Variants in ELOB observed in about 807,000 individuals in gnomAD.
ELOB encodes the protein elongin B, also known as elongin-B.
A neutral mutation model predicts 12.9 loss-of-function variants in ELOB; 3 were observed. That is an observed-to-expected ratio of 0.23 (90% CI 0.11 to 0.60). The LOEUF (loss-of-function observed/expected upper bound fraction) is 0.60, where lower values mean the gene tolerates loss of function less well. Ranked by LOEUF, ELOB falls within the 20% of genes least tolerant of loss-of-function variation. The pLI is 0.89. For synonymous variants in ELOB, 84 were observed against 67.4 expected, an observed-to-expected ratio of 1.25 and a Z score of -1.21; for missense variants, 126 against 159.2, an observed-to-expected ratio of 0.79 and a Z score of 1.12.
At position 2,776,975 on chromosome 16, in the gene ELOB, C is replaced by T; in HGVS notation, c.138+18G>A. The T allele has an allele frequency of 6.4e-7, 1 of 1,552,932 alleles. No individual in the cohort carries two copies. Among genetic ancestry groups the T allele is most frequent in the Non-Finnish European group, 8.7e-7 (1 of 1,149,734 alleles). ...GGCGCCGGGTACCCGCTCCCCTCGG[C>T]CCGCCCGCGGGACCCACCTTGTACA... is the stretch of plus-strand genomic sequence containing the variant. On this transcript the variant is annotated intron_variant, in intron 2 of 3. Transcript: ENST00000409906.
chr16:2,774,998 TATG>T (rs2150784836), intron 3 of ELOB, among the ~76,000 whole-genome samples: 1 of 152,296 alleles, frequency 6.6e-6, no homozygotes, highest in African/African-American at 2.4e-5. Flanking sequence ...TAGAGCCTGG[TATG>T]ATGTCTGACT....
At chr16:2,775,671 G>T in intron 2 of ELOB, 115 bp from the exon 3 acceptor site, 1 of 702,730 alleles carries the variant, frequency 1.4e-6, no homozygotes, top group Non-Finnish European at 2.3e-6. Context: ...CCTCAGTGTG[G>T]CCCAGGACCA....
chr16:2,771,653 C>A lies in ELOB; in HGVS notation c.*337G>T. Reference sequence around the variant, plus strand: ...AAGGAGAAAGGCCTAAAACTGGAATCTCTTGTCCCTGAGGCTGGCTCTGGT... The same window carrying A: ...AAGGAGAAAGGCCTAAAACTGGAATATCTTGTCCCTGAGGCTGGCTCTGGT... On this transcript the variant is annotated 3_prime_UTR_variant, in exon 4 of 4. Transcript: ENST00000409906. 6.2e-7 allele frequency: 1 copy of A among 1,611,546 alleles called. No individual in the cohort carries two copies. Among genetic ancestry groups the A allele is most frequent in the South Asian group, 1.1e-5 (1 of 90,906 alleles).
Position 2,771,486 on chromosome 16 carries a change from G to A in ELOB, c.*504C>T, listed in dbSNP as rs185064686. On this transcript the variant is annotated 3_prime_UTR_variant, in exon 4 of 4. Coordinates refer to ENST00000409906, the MANE Select transcript of ELOB (RefSeq NM_007108.4). ...TCCCTCCGTGATTACAGCCCCCAGC[G>A]TGGGTGGACCTGTGTGGGTCCGTCT... 118 of 1,614,240 alleles carry A rather than the reference G, an allele frequency of 7.3e-5. 1 individual carries two copies. The highest frequency in any genetic ancestry group is 6.9e-4 in the African/African-American group (52 of 75,064).
In ELOB at chr16:2,777,010, C is replaced by G. The variant is rs775489057; in HGVS notation, c.121G>C (p.Glu41Gln). 31 of 1,593,444 alleles carry G rather than the reference C, an allele frequency of 1.9e-5. No homozygotes were observed. The East Asian group carries it at 6.8e-4, about 35-fold the overall frequency. Residue 41 changes from glutamate (E) to glutamine (Q), a missense_variant, in exon 2 of 4, where the codon GAG becomes CAG. By Grantham distance (29) the Glu-to-Gln change is conservative. Coordinates refer to ENST00000409906, the MANE Select transcript of ELOB (RefSeq NM_007108.4). ...VEGILKRPPDEQRLYKDDQLL... is the reference protein window; with the variant it reads ...VEGILKRPPDQQRLYKDDQLL... ...GGACCCACCTTGTACAGCCGCTGCT[C>G]GTCAGGAGGCCGCTTGAGGATGCCC...
At position 2,776,182 on chromosome 16, in the gene ELOB, G is replaced by A. The variant is rs1344333239; in HGVS notation, c.139-626C>T. On this transcript the variant is annotated intron_variant, in intron 2 of 3. Coordinates refer to ENST00000409906, the MANE Select transcript of ELOB (RefSeq NM_007108.4). ...GAAACATAAAGCACTAAGTAGACAT[G>A]TGGCACACGGGACATGCACAGGCAC... Among the ~76,000 whole-genome samples, 3 of 152,348 alleles carry A rather than the reference G, an allele frequency of 2.0e-5. No individual in the cohort carries two copies. In the East Asian group the frequency reaches 5.8e-4, roughly 29 times the overall value.
rs1220927994 is a variant in ELOB, at chr16:2,775,478, C to T, written c.217G>A (p.Ala73Thr). The change falls in exon 3 of 4, where the codon GCC (alanine) becomes ACC (threonine). Residue 73 changes from alanine to threonine, a missense_variant. Coordinates refer to ENST00000409906, the MANE Select transcript of ELOB (RefSeq NM_007108.4). Reference protein sequence around the residue: ...TSQTARPQAPATVGLAFRADD... With the variant: ...TSQTARPQAPTTVGLAFRADD... ...GCCCGGAAGGCCAGCCCCACTGTGGCTGGGGCCTGTGGCCGTGCTGTTTGA... is the reference window on the plus strand; with the variant it reads ...GCCCGGAAGGCCAGCCCCACTGTGGTTGGGGCCTGTGGCCGTGCTGTTTGA... The T allele has an allele frequency of 2.5e-6, 4 of 1,605,044 alleles. No individual in the cohort carries two copies. Among genetic ancestry groups the T allele is most frequent in the Non-Finnish European group, 3.4e-6 (4 of 1,179,642 alleles).
intron 2 of ELOB, among the ~76,000 whole-genome samples, chr16:2,775,964 C>T (rs891054022): frequency 9.9e-5 from 15 of 152,116 alleles, no homozygotes; most frequent in Non-Finnish European, 1.2e-4. Context: ...TATCATAGCC[C>T]CCTCCAGCTT....
In ELOB at chr16:2,777,055, C is replaced by T; in HGVS notation, c.76G>A (p.Glu26Lys). ...TDAKESSTVFELKRIVEGILK... is the reference protein window; with the variant it reads ...TDAKESSTVFKLKRIVEGILK... ...ATGCCCTCGACGATGCGCTTCAGTT[C>T]GAACACCGTGCTGGACTCCTTGGCG... The change falls in exon 2 of 4, where the codon GAA (glutamate) becomes AAA (lysine). Residue 26 changes from glutamate to lysine, a missense_variant. By Grantham distance (56) the Glu-to-Lys change is moderately conservative (BLOSUM62 1). Coordinates refer to ENST00000409906, the MANE Select transcript of ELOB (RefSeq NM_007108.4). 1 of 1,607,478 alleles carries T rather than the reference C, an allele frequency of 6.2e-7. No individual in the cohort carries two copies. The highest frequency in any genetic ancestry group is 8.5e-7 in the Non-Finnish European group (1 of 1,178,034).
intron 2 of ELOB, among the ~76,000 whole-genome samples, chr16:2,776,781 G>T (rs543058604): frequency 1.3e-5 from 2 of 152,206 alleles, no homozygotes; most frequent in African/African-American, 4.8e-5. Flanking sequence ...GGCGCCCGGG[G>T]CCCGGCACGA....
At chr16:2,775,662 C>G (rs775784805) in intron 2 of ELOB, 106 bp from the exon 3 acceptor site, 1 of 792,330 alleles carries the variant, frequency 1.3e-6, no homozygotes, top group Non-Finnish European at 2.0e-6. Flanking sequence ...AGAGAGTTCC[C>G]TCAGTGTGGC....
At chr16:2,775,579 G>C in intron 2 of ELOB, 23 bp from the exon 3 acceptor site, 1 of 1,596,616 alleles carries the variant, frequency 6.3e-7, no homozygotes, top group East Asian at 2.2e-5. Context: ...GCAGGATCTT[G>C]GGAGAGGCCC....
At chr16:2,772,321 G>GC in intron 3 of ELOB, 1 of 419,584 alleles carries the variant, frequency 2.4e-6, no homozygotes, top group Non-Finnish European at 4.1e-6. Flanking sequence ...AAGGTCCCCA[G>GC]CCCTTCCCAC....
chr16:2,775,959 T>C (rs1286889743), intron 2 of ELOB, among the ~76,000 whole-genome samples: 2 of 152,146 alleles, frequency 1.3e-5, no homozygotes, highest in African/African-American at 4.8e-5. Flanking sequence ...AGCGCTATCA[T>C]AGCCCCCTCC....
chr16:2,774,961 T>C (rs1339806790), intron 3 of ELOB, among the ~76,000 whole-genome samples: 2 of 152,130 alleles, frequency 1.3e-5, no homozygotes, highest in Non-Finnish European at 2.9e-5. Flanking sequence ...CACACAGAGA[T>C]GCAGAGGGTT....
At chr16:2,772,242 C>CT in intron 3 of ELOB, 140 bp from the exon 4 acceptor site, 1 of 1,004,956 alleles carries the variant, frequency 1.0e-6, no homozygotes. Context: ...CTCCACAGCG[C>CT]TGACCTCCCT....
In ELOB at chr16:2,771,723, T is replaced by C. The variant is rs957573104; in HGVS notation, c.*267A>G. 15 of 1,548,596 alleles carry C rather than the reference T, an allele frequency of 9.7e-6. No individual in the cohort carries two copies. The highest frequency in any genetic ancestry group is 6.8e-5 in the African/African-American group (5 of 73,340). On this transcript the variant is annotated 3_prime_UTR_variant, in exon 4 of 4. Coordinates refer to ENST00000409906, the MANE Select transcript of ELOB (RefSeq NM_007108.4). ...CTTCCCTTTCCTCCCCCTGGCGTGG[T>C]TGGTGTGGCTGGCTAGCTGCTAACA...
rs776950468 is a variant in ELOB, at chr16:2,777,035, C to T, written c.96G>A (p.Glu32=). 2.5e-6 allele frequency: 4 copies of T among 1,605,894 alleles called. No individual in the cohort carries two copies. Among genetic ancestry groups the T allele is most frequent in the Admixed American group, 1.7e-5 (1 of 59,636 alleles). ...CGTCAGGAGGCCGCTTGAGGATGCCCTCGACGATGCGCTTCAGTTCGAACA... is the reference window on the plus strand; with the variant it reads ...CGTCAGGAGGCCGCTTGAGGATGCCTTCGACGATGCGCTTCAGTTCGAACA... ...STVFELKRIV[E]GILKRPPDEQ... The change falls in exon 2 of 4, where the codon GAG becomes GAA. Residue 32 remains glutamate, a synonymous_variant. Coordinates refer to ENST00000409906, the MANE Select transcript of ELOB (RefSeq NM_007108.4).
chr16:2,777,254 C>CT lies in ELOB; in HGVS notation c.-16dup. 1 of 1,024,996 alleles carries CT rather than the reference C, an allele frequency of 9.8e-7. No individual in the cohort carries two copies. The highest frequency in any genetic ancestry group is 1.2e-6 in the Non-Finnish European group (1 of 855,612). The allele number at this position is 1,024,996 out of a possible 1,614,324, so 63.5% of individuals were successfully genotyped here. ...CCGCTCACCATCGCGGCTGCTGCCT[C>CT]TCCCCTCGACGCGCCGGCGCAGCCG... On this transcript the variant is annotated 5_prime_UTR_variant, in exon 1 of 4. Coordinates refer to ENST00000409906, the MANE Select transcript of ELOB (RefSeq NM_007108.4).
Sources: allele counts gnomAD v4.1 joint callset (sites outside exome capture counted in the v4.1 genomes callset), GRCh38; gene constraint gnomAD v4.1.1; transcripts MANE v1.5; gene names NCBI Gene and HGNC (gene_info 2026-07-23, HGNC 2026-07-21).